Variants in MAPK10 observed in about 807,000 individuals in gnomAD.
MAPK10 encodes the protein mitogen-activated protein kinase 10.
MAPK10 carries 25 observed loss-of-function variants against 59.3 expected under a neutral mutation model. That is an observed-to-expected ratio of 0.42 (90% CI 0.31 to 0.59). The LOEUF is 0.59. Ranked by LOEUF, MAPK10 falls within the 20% of genes least tolerant of loss-of-function variation. The pLI is 0.15. For missense variants in MAPK10, 351 were observed against 568.9 expected, an observed-to-expected ratio of 0.62 and a Z score of 3.90; for synonymous variants, 190 against 200.5, an observed-to-expected ratio of 0.95 and a Z score of 0.44.
At chr4:86,503,926 C>T (rs1257478606) in intron 1 of MAPK10, among the ~76,000 whole-genome samples, 1 of 152,100 alleles carries the variant, frequency 6.6e-6, no homozygotes, top group Non-Finnish European at 1.5e-5. Context: ...AGCAAACATG[C>T]TCCCACCTCT....
At chr4:86,172,209 C>G (rs1265977825) in intron 3 of MAPK10, among the ~76,000 whole-genome samples, 1 of 141,256 alleles carries the variant, frequency 7.1e-6, no homozygotes. Context: ...TTTGACCCAG[C>G]CATCCCATTA....
chr4:86,445,861 G>C (rs938613835), intron 1 of MAPK10, among the ~76,000 whole-genome samples: 2 of 152,026 alleles, frequency 1.3e-5, no homozygotes, highest in African/African-American at 4.8e-5. Context: ...AACAAATATT[G>C]AAAGAATGTC....
intron 3 of MAPK10, among the ~76,000 whole-genome samples, chr4:86,163,328 T>A (rs146528495): frequency 7.9e-5 from 12 of 152,274 alleles, no homozygotes; most frequent in Middle Eastern, 3.4e-3. Flanking sequence ...CTACATTTCA[T>A]CCTTCAGCTT....
rs184387858 is a variant in MAPK10 at position 86,548,687 on chromosome 4, C to T, written c.-263+45223G>A. Among the ~76,000 whole-genome samples, 194 of 152,284 alleles carry T rather than the reference C, an allele frequency of 1.3e-3. 1 individual carries two copies. The highest frequency in any genetic ancestry group is 1.5e-3 in the Non-Finnish European group (99 of 68,014). On this transcript the variant is annotated intron_variant, in intron 1 of 4. Coordinates refer to the MAPK10 transcript ENST00000502302. ...ACCATGAGCCAATTAAACCTCTTTTCTTTATATACTTTGGCTCAGGTGTTT... is the reference window on the plus strand; with the variant it reads ...ACCATGAGCCAATTAAACCTCTTTTTTTTATATACTTTGGCTCAGGTGTTT...
intron 9 of MAPK10, among the ~76,000 whole-genome samples, chr4:86,076,115 G>A (rs1362998276): frequency 6.6e-6 from 1 of 152,174 alleles, no homozygotes; most frequent in African/African-American, 2.4e-5. Context: ...TTTTTAAGCC[G>A]GTCTGAAAAG....
At chr4:86,036,612 T>C (rs2040364264) in intron 11 of MAPK10, among the ~76,000 whole-genome samples, 2 of 152,172 alleles carry the variant, frequency 1.3e-5, no homozygotes, top group African/African-American at 4.8e-5. Context: ...GAAACTTTTA[T>C]TAAAACCCAA....
intron 1 of MAPK10, among the ~76,000 whole-genome samples, chr4:86,578,001 T>C (rs1205232475): frequency 1.3e-5 from 2 of 152,192 alleles, no homozygotes; most frequent in African/African-American, 2.4e-5. Flanking sequence ...GTATTATTAA[T>C]ACCTATATTA....
In MAPK10 at chr4:86,507,615, G is replaced by GAT. The variant is rs767683551; in HGVS notation, c.-263+86293_-263+86294dup. Among the ~76,000 whole-genome samples the GAT allele has an allele frequency of 2.8e-3, 98 of 35,584 alleles. 5 individuals are homozygous for GAT. Among genetic ancestry groups the GAT allele is most frequent in the Non-Finnish European group, 3.2e-3 (63 of 19,416 alleles). The allele number at this position is 35,584 out of a possible 152,430, so 23.3% of individuals were successfully genotyped here. A position where few individuals can be genotyped will look rare whatever the true frequency, so the allele number is the denominator to read the frequency against. ...TTACTATTAAAAAGAATAAACTGGA[G>GAT]ATATATATATATATATATATATATA... On this transcript the variant is annotated intron_variant, in intron 1 of 4. Coordinates refer to the MAPK10 transcript ENST00000502302.
At chr4:86,558,832 GAA>G (rs55928790) in intron 1 of MAPK10, among the ~76,000 whole-genome samples, 2 of 142,676 alleles carry the variant, frequency 1.4e-5, no homozygotes, top group Non-Finnish European at 1.5e-5. Flanking sequence ...AAACTTTCAG[GAA>G]AAAAAAAAAA....
intron 2 of MAPK10, among the ~76,000 whole-genome samples, chr4:86,311,024 C>A (rs575661719): frequency 8.6e-6 from 1 of 116,914 alleles, no homozygotes; most frequent in South Asian, 3.4e-4. Flanking sequence ...TATGATTACA[C>A]AGTTTTAAGT....
rs1356795891 is a variant in MAPK10 at position 86,351,390 on chromosome 4, TACACAAACACAC to T, written c.-7+3128_-7+3139del. ...TGTGTATATATATATACAGTGTGTA[TACACAAACACAC>T]ACACACACACACACACACACACACA... On this transcript the variant is annotated intron_variant, in intron 2 of 13. Transcript: ENST00000641462. Among the ~76,000 whole-genome samples the T allele has an allele frequency of 1.1e-4, 12 of 110,320 alleles. No individual in the cohort carries two copies. The South Asian group carries it at 2.2e-3, about 20-fold the overall frequency. The allele number at this position is 110,320 out of a possible 152,430, so 72.4% of individuals were successfully genotyped here. A position where few individuals can be genotyped will look rare whatever the true frequency, so the allele number is the denominator to read the frequency against.
intron 2 of MAPK10, among the ~76,000 whole-genome samples, chr4:86,225,227 T>C (rs1046725452): frequency 6.6e-6 from 1 of 152,214 alleles, no homozygotes; most frequent in Non-Finnish European, 1.5e-5. Flanking sequence ...TTGTCAGGAC[T>C]GATGAGAGGG....
At chr4:86,047,780 T>C (rs560695108) in intron 11 of MAPK10, among the ~76,000 whole-genome samples, 2 of 152,278 alleles carry the variant, frequency 1.3e-5, no homozygotes, top group South Asian at 2.1e-4. Context: ...TTGAGTTTTG[T>C]TATAAATATG....
At chr4:86,216,073 A>G (rs972460599) in intron 2 of MAPK10, among the ~76,000 whole-genome samples, 2 of 152,092 alleles carry the variant, frequency 1.3e-5, no homozygotes, top group Non-Finnish European at 1.5e-5. Context: ...ACCTTAAAAA[A>G]TGAAAAATAG....
At chr4:86,150,062 C>T (rs2066030282) in intron 4 of MAPK10, among the ~76,000 whole-genome samples, 1 of 152,180 alleles carries the variant, frequency 6.6e-6, no homozygotes, top group African/African-American at 2.4e-5. Context: ...TAAGTGCCCA[C>T]TGACTGATGG....
chr4:86,139,254 G>A (rs1210238311), intron 4 of MAPK10, among the ~76,000 whole-genome samples: 1 of 148,620 alleles, frequency 6.7e-6, no homozygotes, highest in Non-Finnish European at 1.5e-5. Flanking sequence ...AACAAAGCTG[G>A]AGGCATCACA....
intron 2 of MAPK10, among the ~76,000 whole-genome samples, chr4:86,291,593 A>G (rs2095229288): frequency 6.6e-6 from 1 of 152,040 alleles, no homozygotes. Flanking sequence ...ACATGGCAGT[A>G]AAAAACTAGA....
At chr4:86,521,249 T>C (rs1043222373) in intron 1 of MAPK10, among the ~76,000 whole-genome samples, 1 of 152,146 alleles carries the variant, frequency 6.6e-6, no homozygotes, top group African/African-American at 2.4e-5. Context: ...AGCCAGGAGA[T>C]GGTGCTTTCA....
intron 1 of MAPK10, among the ~76,000 whole-genome samples, chr4:86,573,840 T>G (rs1399247534): frequency 6.6e-6 from 1 of 152,214 alleles, no homozygotes; most frequent in Non-Finnish European, 1.5e-5. Context: ...TTTTTGATGC[T>G]ATTGTTATAT....
Sources: gnomAD v4.1 joint callset for allele counts (sites outside exome capture counted in the v4.1 genomes callset) on GRCh38, gnomAD v4.1.1 for gene constraint, MANE v1.5 for transcripts, NCBI Gene and HGNC (gene_info 2026-07-23, HGNC 2026-07-21) for gene names.